DLG2: variants seen among roughly 807,000 people sequenced by gnomAD.
DLG2 encodes the protein discs large MAGUK scaffold protein 2.
DLG2 carries 45 observed loss-of-function variants against 132.5 expected under a neutral mutation model. The ratio of observed to expected loss-of-function variants is 0.34; its 90% CI spans 0.27 to 0.44. The LOEUF (loss-of-function observed/expected upper bound fraction) is 0.44. DLG2 is among the 20% of genes least tolerant of loss of function. The pLI, the probability that DLG2 is intolerant of heterozygous loss-of-function variation, is 1.00. For missense variants in DLG2, 1,045 were observed against 1,196.9 expected (o/e 0.87, Z 1.87); for synonymous variants, 424 against 419.6 (o/e 1.01, Z -0.13).
In DLG2 at chr11:84,707,313, C is replaced by T. The variant is rs553612107; in HGVS notation, c.358-172582G>A. On this transcript the variant is annotated intron_variant, in intron 6 of 27. Coordinates refer to ENST00000376104, the MANE Select transcript of DLG2 (RefSeq NM_001142699.3). ...GATAAAGATTTTTATTTTTTTCATT[C>T]AGATATATTTGATTCTACAAATCTC... Among the ~76,000 whole-genome samples the T allele has an allele frequency of 1.9e-3, 287 of 151,832 alleles. 2 individuals are homozygous for T. Among genetic ancestry groups the T allele is most frequent in the African/African-American group, 6.8e-3 (281 of 41,482 alleles).
intron 6 of DLG2, among the ~76,000 whole-genome samples, chr11:85,068,205 G>A (rs1024784366): frequency 6.6e-6 from 1 of 152,056 alleles, no homozygotes; most frequent in Admixed American, 6.6e-5. Flanking sequence ...ATACTGAATG[G>A]CAAAACCTGG....
At chr11:85,456,923 G>A (rs2092441231) in intron 3 of DLG2, among the ~76,000 whole-genome samples, 1 of 152,162 alleles carries the variant, frequency 6.6e-6, no homozygotes, top group Non-Finnish European at 1.5e-5. Context: ...TTTGAACAGA[G>A]AGTACTGCAG....
intron 5 of DLG2, among the ~76,000 whole-genome samples, chr11:85,150,286 C>A (rs1255741675): frequency 6.6e-6 from 1 of 152,014 alleles, no homozygotes; most frequent in African/African-American, 2.4e-5. Flanking sequence ...TCCCAAAGTA[C>A]TGGGATTACA....
chr11:85,177,882 T>C (rs1349000870), intron 4 of DLG2, among the ~76,000 whole-genome samples: 2 of 152,088 alleles, frequency 1.3e-5, no homozygotes, highest in Non-Finnish European at 1.5e-5. Flanking sequence ...GCCAAAAATA[T>C]ATAACTTGAA....
intron 16 of DLG2, among the ~76,000 whole-genome samples, chr11:83,849,336 T>TA (rs1565329536): frequency 2.0e-5 from 3 of 148,086 alleles, no homozygotes; most frequent in Admixed American, 6.7e-5. Context: ...AATTAATAAA[T>TA]AATAAACAAA....
At chr11:85,235,414 T>C (rs906936766) in intron 4 of DLG2, among the ~76,000 whole-genome samples, 1 of 152,014 alleles carries the variant, frequency 6.6e-6, no homozygotes, top group Non-Finnish European at 1.5e-5. Context: ...AATCCAGCTA[T>C]TCACGCATTT....
chr11:84,818,991 T>C (rs1461979427), intron 6 of DLG2, among the ~76,000 whole-genome samples: 1 of 150,822 alleles, frequency 6.6e-6, no homozygotes, highest in Non-Finnish European at 1.5e-5. Context: ...GCTAATACAT[T>C]TAATGAGAGC....
At chr11:84,736,405 C>T (rs1042962759) in intron 6 of DLG2, among the ~76,000 whole-genome samples, 1 of 151,492 alleles carries the variant, frequency 6.6e-6, no homozygotes, top group South Asian at 2.1e-4. Flanking sequence ...CCTGTTAATT[C>T]TACACCTACA....
intron 6 of DLG2, among the ~76,000 whole-genome samples, chr11:84,786,871 C>T (rs1598128107): frequency 6.6e-6 from 1 of 152,270 alleles, no homozygotes; most frequent in Admixed American, 6.5e-5. Flanking sequence ...TTTGTCTAGA[C>T]CTTCCTTTAA....
intron 6 of DLG2, among the ~76,000 whole-genome samples, chr11:84,848,355 A>G (rs993302432): frequency 3.3e-5 from 5 of 151,864 alleles, no homozygotes; most frequent in Non-Finnish European, 2.9e-5. Flanking sequence ...TTAGCCAGGC[A>G]TGGTGGTGCA....
chr11:83,623,544 G>C (rs1213650300), intron 19 of DLG2, among the ~76,000 whole-genome samples: 3 of 152,218 alleles, frequency 2.0e-5, no homozygotes, highest in African/African-American at 4.8e-5. Flanking sequence ...ACAGGAAAGA[G>C]CACGTGAAGC....
At chr11:84,214,242 T>TACATATATACATATATATGA (rs1405778868) in intron 8 of DLG2, among the ~76,000 whole-genome samples, 1 of 143,540 alleles carries the variant, frequency 7.0e-6, no homozygotes, top group Non-Finnish European at 1.5e-5. Context: ...TATATATGAA[T>TACATATATACATATATATGA]ATATATATAC....
At chr11:84,984,342 A>C (rs931058372) in intron 6 of DLG2, among the ~76,000 whole-genome samples, 2 of 152,344 alleles carry the variant, frequency 1.3e-5, no homozygotes, top group African/African-American at 4.8e-5. Flanking sequence ...TCCTTAAATA[A>C]AACAATTATC....
Position 85,424,877 on chromosome 11 carries a change from G to A in DLG2, c.41-139512C>T, listed in dbSNP as rs192181701. ...CTGGATCTCCCAGCACCTGTTCTTC[G>A]ACTTCGCAGCCTGCAGAATGGTGAG... On this transcript the variant is annotated intron_variant, in intron 3 of 27. Transcript: ENST00000376104. Among the ~76,000 whole-genome samples the A allele has an allele frequency of 2.2e-4, 33 of 152,146 alleles. 1 individual carries two copies. The highest frequency in any genetic ancestry group is 4.6e-4 in the Admixed American group (7 of 15,264).
At chr11:84,146,459 A>T (rs2095086201) in intron 9 of DLG2, among the ~76,000 whole-genome samples, 1 of 152,204 alleles carries the variant, frequency 6.6e-6, no homozygotes, top group African/African-American at 2.4e-5. Context: ...TGTACCCCAT[A>T]AATATATACA....
At chr11:85,142,516 T>A (rs1036020733) in intron 5 of DLG2, among the ~76,000 whole-genome samples, 16 of 151,832 alleles carry the variant, frequency 1.1e-4, no homozygotes, top group African/African-American at 3.9e-4. Flanking sequence ...TGAACAAGAA[T>A]AATTTGACTT....
chr11:84,084,939 G>T (rs1477556033), intron 10 of DLG2, among the ~76,000 whole-genome samples: 2 of 152,016 alleles, frequency 1.3e-5, no homozygotes, highest in Non-Finnish European at 1.5e-5. Flanking sequence ...TGTTCATATT[G>T]TATCTGAAAT....
intron 18 of DLG2, among the ~76,000 whole-genome samples, chr11:83,654,425 A>C (rs1302294253): frequency 6.6e-6 from 1 of 152,012 alleles, no homozygotes; most frequent in Non-Finnish European, 1.5e-5. Flanking sequence ...TAGTCCTTTT[A>C]GTTTTATTTT....
rs143826270 is a variant in DLG2 at position 84,524,247 on chromosome 11, G to A, written c.519+10323C>T. Among the ~76,000 whole-genome samples, 22 of 152,276 alleles carry A rather than the reference G, an allele frequency of 1.4e-4. No homozygotes were observed. In the East Asian group the frequency reaches 4.0e-3, roughly 28 times the overall value. ...CTTGCCTTAACCCTTGATGACTTTG[G>A]TTCTAAAAAGAATTCTTATATTTTG... is the stretch of plus-strand genomic sequence containing the variant. On this transcript the variant is annotated intron_variant, in intron 7 of 27. Transcript: ENST00000376104.
Sources: gnomAD v4.1 joint callset for allele counts (sites outside exome capture counted in the v4.1 genomes callset) on GRCh38, gnomAD v4.1.1 for gene constraint, MANE v1.5 for transcripts, NCBI Gene and HGNC (gene_info 2026-07-23, HGNC 2026-07-21) for gene names.